The following NINL variants were observed in gnomAD, a reference collection of about 807,000 sequenced individuals.
NINL encodes the protein ninein like.
NINL carries 153 observed loss-of-function variants against 160.3 expected under a neutral mutation model. The observed-to-expected ratio is 0.95, with a 90% confidence interval of 0.84 to 1.09. The LOEUF (loss-of-function observed/expected upper bound fraction) is 1.09, where lower values mean the gene tolerates loss of function less well. Ranked by LOEUF, NINL falls within the 50% of genes least tolerant of loss-of-function variation. The probability of loss-of-function intolerance (pLI) is 0.00; values close to 1 mark genes in which losing one functional copy is unlikely to be tolerated. For missense variants in NINL, 1,829 were observed against 1,764.0 expected, an observed-to-expected ratio of 1.04 and a Z score of -0.66; for synonymous variants, 800 against 734.8, an observed-to-expected ratio of 1.09 and a Z score of -1.43.
rs551915604 is a variant in NINL at position 25,455,039 on chromosome 20, C to T, written c.3957+634G>A. Among the ~76,000 whole-genome samples, 53 of 152,294 alleles carry T rather than the reference C, an allele frequency of 3.5e-4. No individual in the cohort carries two copies. The South Asian group carries it at 0.011, about 30-fold the overall frequency. On this transcript the variant is annotated intron_variant, in intron 23 of 23. Coordinates refer to ENST00000278886, the MANE Select transcript of NINL (RefSeq NM_025176.6). Reference sequence around the variant, plus strand: ...CCTGAGCCCTACCAGTTCACACCAGCCATGGCGGCCTCCTCCATGGCTGTC... The same window carrying T: ...CCTGAGCCCTACCAGTTCACACCAGTCATGGCGGCCTCCTCCATGGCTGTC...
At chr20:25,508,854 C>A (rs1312676345) in intron 5 of NINL, among the ~76,000 whole-genome samples, 1 of 151,918 alleles carries the variant, frequency 6.6e-6, no homozygotes. Flanking sequence ...AAGGATCCCG[C>A]AGTTTGCTCC....
intron 19 of NINL, among the ~76,000 whole-genome samples, chr20:25,464,143 G>T (rs377003512): frequency 6.6e-6 from 1 of 152,150 alleles, no homozygotes; most frequent in Admixed American, 6.5e-5. Flanking sequence ...GTGGCTGGGC[G>T]TGGTGGCTCA....
Position 25,476,288 on chromosome 20 carries a change from G to A in NINL, c.3003C>T (p.Ala1001=), listed in dbSNP as rs1286452275. The A allele has an allele frequency of 1.1e-5, 17 of 1,613,240 alleles. No homozygotes were observed. The highest frequency in any genetic ancestry group is 4.5e-5 in the East Asian group (2 of 44,872). The part of the protein sequence containing the change: ...QEQASEQQAR[A]EGALEPGCHK... ...GACACCCAGGCTCCAGGGCGCCCTC[G>A]GCCCGGGCCTGCTGCTCCGAGGCCT... is the stretch of plus-strand genomic sequence containing the variant. The change falls in exon 17 of 24, where the codon GCC becomes GCT. Residue 1001 remains alanine (A), a synonymous_variant. Coordinates refer to ENST00000278886, the MANE Select transcript of NINL (RefSeq NM_025176.6).
intron 22 of NINL, among the ~76,000 whole-genome samples, chr20:25,456,873 A>G (rs950361879): frequency 6.6e-6 from 1 of 152,026 alleles, no homozygotes; most frequent in African/African-American, 2.4e-5. Context: ...TGGAGGCTGC[A>G]GTGAGCCGAG....
chr20:25,553,693 T>G (rs1452756350), intron 1 of NINL, among the ~76,000 whole-genome samples: 1 of 152,004 alleles, frequency 6.6e-6, no homozygotes, highest in African/African-American at 2.4e-5. Context: ...CGAAAAAGAG[T>G]GTCCTTCACT....
Position 25,532,261 on chromosome 20 carries a change from C to T in NINL, c.-11-5663G>A, listed in dbSNP as rs939320698. Reference sequence around the variant, plus strand: ...GGCCCCAGCCACACCGCTTCCCTTCCTCCCAGAGCCCCAGATTCACGTTTT... The same window carrying T: ...GGCCCCAGCCACACCGCTTCCCTTCTTCCCAGAGCCCCAGATTCACGTTTT... On this transcript the variant is annotated intron_variant, in intron 1 of 23. Transcript: ENST00000278886. Among the ~76,000 whole-genome samples the T allele has an allele frequency of 2.0e-5, 3 of 152,258 alleles. No homozygotes were observed. The South Asian group carries it at 6.2e-4, about 31-fold the overall frequency.
At chr20:25,577,239 G>C (rs2065125096) in intron 1 of NINL, among the ~76,000 whole-genome samples, 1 of 152,178 alleles carries the variant, frequency 6.6e-6, no homozygotes, top group Admixed American at 6.5e-5. Flanking sequence ...GTCATCCCAG[G>C]ACCGTGGGTA....
chr20:25,521,803 C>T (rs139046794), intron 2 of NINL, among the ~76,000 whole-genome samples: 1 of 152,322 alleles, frequency 6.6e-6, no homozygotes, highest in Non-Finnish European at 1.5e-5. Flanking sequence ...GTTTCTGGGG[C>T]TCTTTGAGGC....
At chr20:25,466,586 G>T (rs2062918938) in intron 19 of NINL, among the ~76,000 whole-genome samples, 1 of 151,948 alleles carries the variant, frequency 6.6e-6, no homozygotes, top group Admixed American at 6.6e-5. Flanking sequence ...GATAGCTTGA[G>T]GTCAGGAGTT....
At chr20:25,503,351 C>G (rs2063903718) in intron 7 of NINL, among the ~76,000 whole-genome samples, 1 of 143,704 alleles carries the variant, frequency 7.0e-6, no homozygotes, top group African/African-American at 2.6e-5. Flanking sequence ...ATGTTCCTCA[C>G]CTGAGCACTG....
chr20:25,455,672 C>T lies in NINL; in HGVS notation c.3957+1G>A. ...CGAAAGCAGCAGCGCCCATCACTCACCTGCTCCTTCAGCTTATCCACTTTC... is the reference window on the plus strand; with the variant it reads ...CGAAAGCAGCAGCGCCCATCACTCATCTGCTCCTTCAGCTTATCCACTTTC... On this transcript the variant is annotated splice_donor_variant, in intron 23 of 23. Coordinates refer to ENST00000278886, the MANE Select transcript of NINL (RefSeq NM_025176.6). LOFTEE classifies it high-confidence loss of function. 6.2e-7 allele frequency: 1 copy of T among 1,608,634 alleles called. No individual in the cohort carries two copies. The highest frequency in any genetic ancestry group is 1.1e-5 in the South Asian group (1 of 90,974).
At chr20:25,543,310 G>A (rs2064692756) in intron 1 of NINL, among the ~76,000 whole-genome samples, 1 of 152,176 alleles carries the variant, frequency 6.6e-6, no homozygotes, top group South Asian at 2.1e-4. Flanking sequence ...AGCACTTTGG[G>A]AGGCTAAGGC....
At chr20:25,536,399 T>C (rs2064557273) in intron 1 of NINL, among the ~76,000 whole-genome samples, 1 of 151,986 alleles carries the variant, frequency 6.6e-6, no homozygotes, top group East Asian at 1.9e-4. Context: ...TTGGAAAAAA[T>C]AAGAATAAAT....
chr20:25,469,747 C>T lies in NINL; in HGVS notation c.3353+244G>A, dbSNP rs554780803. Among the ~76,000 whole-genome samples, 23 of 152,322 alleles carry T rather than the reference C, an allele frequency of 1.5e-4. No individual in the cohort carries two copies. In the East Asian group the frequency reaches 4.1e-3, roughly 27 times the overall value. On this transcript the variant is annotated intron_variant, in intron 18 of 23. Transcript: ENST00000278886. ...CGCAGTCCCGACCATGCTGTGGGCA[C>T]TCTGCCTCACTTCCCACACCAAGGA...
intron 13 of NINL, among the ~76,000 whole-genome samples, chr20:25,482,693 GAA>G (rs1203757039): frequency 3.4e-5 from 5 of 145,000 alleles, no homozygotes; most frequent in Non-Finnish European, 4.6e-5. Context: ...GGGGCTCAAA[GAA>G]AAAAGTGAGG....
chr20:25,490,605 C>G (rs888470768), intron 11 of NINL, among the ~76,000 whole-genome samples: 1 of 150,544 alleles, frequency 6.6e-6, no homozygotes, highest in Non-Finnish European at 1.5e-5. Flanking sequence ...AATACAAAAG[C>G]ATTGCAAAAG....
At chr20:25,510,541 C>T (rs867138755) in intron 5 of NINL, 133 bp downstream of exon 5, 59 of 810,638 alleles carry the variant, frequency 7.3e-5, no homozygotes, top group African/African-American at 6.7e-4. Context: ...AAGAATCCAG[C>T]GGGACACAAC....
chr20:25,552,779 G>A (rs2064820785), intron 1 of NINL, among the ~76,000 whole-genome samples: 1 of 152,244 alleles, frequency 6.6e-6, no homozygotes, highest in African/African-American at 2.4e-5. Context: ...AAAGAAAGGA[G>A]ACACAGAAAG....
At chr20:25,523,230 G>A (rs955919283) in intron 2 of NINL, among the ~76,000 whole-genome samples, 3 of 149,776 alleles carry the variant, frequency 2.0e-5, no homozygotes, top group African/African-American at 5.1e-5. Flanking sequence ...ATATATATAT[G>A]AGAGAATATA....
Sources: gnomAD v4.1 joint callset for allele counts (sites outside exome capture counted in the v4.1 genomes callset) on GRCh38, gnomAD v4.1.1 for gene constraint, MANE v1.5 for transcripts, NCBI Gene and HGNC (gene_info 2026-07-23, HGNC 2026-07-21) for gene names.